The following PTPRT variants were observed in gnomAD, a reference collection of about 807,000 sequenced individuals.
PTPRT encodes the protein protein tyrosine phosphatase receptor type T.
Under a neutral mutation model 176.8 loss-of-function variants are expected in PTPRT, and 56 were observed. The ratio of observed to expected loss-of-function variants is 0.32; its 90% CI spans 0.26 to 0.40. The LOEUF (loss-of-function observed/expected upper bound fraction) is 0.40. Among genes scored for constraint, PTPRT ranks in the 10% least tolerant of loss-of-function variants. The probability of loss-of-function intolerance (pLI) is 1.00; values close to 1 mark genes in which losing one functional copy is unlikely to be tolerated. For synonymous variants in PTPRT, 783 were observed against 739.0 expected (o/e 1.06, Z -0.96); for missense variants, 1,540 against 1,908.2 (o/e 0.81, Z 3.60).
intron 7 of PTPRT, 25 bp from the exon 8 acceptor site, chr20:42,472,587 A>C: frequency 6.2e-7 from 1 of 1,602,826 alleles, no homozygotes; most frequent in South Asian, 1.1e-5. Flanking sequence ...GGCAAGAAAC[A>C]AGGGTTCTGA....
At chr20:42,106,220 A>G (rs1333685279) in intron 24 of PTPRT, among the ~76,000 whole-genome samples, 2 of 152,214 alleles carry the variant, frequency 1.3e-5, no homozygotes, top group African/African-American at 2.4e-5. Context: ...GTACACAACA[A>G]TAAAGATTAA....
intron 11 of PTPRT, among the ~76,000 whole-genome samples, chr20:42,328,558 C>T (rs542063770): frequency 3.9e-4 from 59 of 152,024 alleles, no homozygotes; most frequent in South Asian, 1.0e-3. Flanking sequence ...AAGAAAAGTA[C>T]GATCATATAA....
intron 8 of PTPRT, among the ~76,000 whole-genome samples, chr20:42,465,730 T>C (rs1344948042): frequency 1.3e-5 from 2 of 152,182 alleles, no homozygotes; most frequent in Non-Finnish European, 2.9e-5. Context: ...TAATATTTTT[T>C]GGAATATACG....
intron 7 of PTPRT, among the ~76,000 whole-genome samples, chr20:42,549,824 C>T (rs891914928): frequency 6.6e-6 from 1 of 151,988 alleles, no homozygotes; most frequent in Non-Finnish European, 1.5e-5. Flanking sequence ...TAGGGCATCT[C>T]AACACTACTG....
intron 1 of PTPRT, among the ~76,000 whole-genome samples, chr20:43,006,753 C>A (rs769332346): frequency 1.3e-5 from 2 of 152,196 alleles, no homozygotes; most frequent in Non-Finnish European, 2.9e-5. Flanking sequence ...AGGTCACCGA[C>A]CCTCCGCTGC....
intron 13 of PTPRT, among the ~76,000 whole-genome samples, chr20:42,253,105 G>A (rs1289007554): frequency 3.9e-5 from 6 of 152,154 alleles, no homozygotes; most frequent in South Asian, 2.1e-4. Context: ...CAGCATCCAC[G>A]TGTGACTCCC....
chr20:42,361,480 G>A (rs2058431327), intron 9 of PTPRT, among the ~76,000 whole-genome samples: 1 of 152,128 alleles, frequency 6.6e-6, no homozygotes, highest in Admixed American at 6.5e-5. Context: ...GATATTTTGT[G>A]ACTTCTAAGA....
rs567646198 is a variant in PTPRT at position 42,527,143 on chromosome 20, T to G, written c.1154-54581A>C. ...TATGTCCAGCTAATTTTTTGTATTTTTAGTAGAGACGGGGTTTCACCGTGT... is the reference window on the plus strand; with the variant it reads ...TATGTCCAGCTAATTTTTTGTATTTGTAGTAGAGACGGGGTTTCACCGTGT... On this transcript the variant is annotated intron_variant, in intron 7 of 30. Transcript: ENST00000373187. Among the ~76,000 whole-genome samples, 18 of 152,038 alleles carry G rather than the reference T, an allele frequency of 1.2e-4. No homozygotes were observed. The East Asian group carries it at 3.5e-3, about 30-fold the overall frequency.
chr20:43,158,922 C>T (rs1023229991), intron 1 of PTPRT, among the ~76,000 whole-genome samples: 1 of 152,158 alleles, frequency 6.6e-6, no homozygotes, highest in Non-Finnish European at 1.5e-5. Context: ...CAGCTTAGCA[C>T]AGCACCTGGG....
At position 42,810,014 on chromosome 20, in the gene PTPRT, C is replaced by T. The variant is rs534833679; in HGVS notation, c.215-18548G>A. ...TGTACTAATAAAATAGAGTAGGGGC[C>T]GGGCGCGGTGGCTCAGGCCTGTAAT... On this transcript the variant is annotated intron_variant, in intron 2 of 30. Coordinates refer to ENST00000373187, the MANE Select transcript of PTPRT (RefSeq NM_007050.6). Among the ~76,000 whole-genome samples, 17 of 152,180 alleles carry T rather than the reference C, an allele frequency of 1.1e-4. No individual in the cohort carries two copies. In the South Asian group the frequency reaches 2.9e-3, roughly 26 times the overall value.
At chr20:43,064,532 C>G (rs2071503375) in intron 1 of PTPRT, among the ~76,000 whole-genome samples, 1 of 152,184 alleles carries the variant, frequency 6.6e-6, no homozygotes, top group Non-Finnish European at 1.5e-5. Context: ...AACGTTAACA[C>G]CTAGCTTATG....
chr20:42,321,963 C>A (rs1040623509), intron 11 of PTPRT, among the ~76,000 whole-genome samples: 5 of 152,146 alleles, frequency 3.3e-5, no homozygotes, highest in Admixed American at 1.3e-4. Flanking sequence ...GTCCCAGCTT[C>A]TTAGGAGGCG....
chr20:42,999,978 G>A (rs963381313), intron 1 of PTPRT, among the ~76,000 whole-genome samples: 17 of 150,676 alleles, frequency 1.1e-4, no homozygotes, highest in African/African-American at 4.2e-4. Flanking sequence ...TCAAGTCAGT[G>A]GCTCTGAAAC....
chr20:42,363,388 G>A lies in PTPRT; in HGVS notation c.1561-11103C>T, dbSNP rs753256409. On this transcript the variant is annotated intron_variant, in intron 9 of 30. Transcript: ENST00000373187. ...TGCAGTGGTGTGATCTTGGCTCACC[G>A]CAACCTCCGCCTCCCGGGTACAAGC... Among the ~76,000 whole-genome samples, 94 of 129,936 alleles carry A rather than the reference G, an allele frequency of 7.2e-4. 1 individual carries two copies. Among genetic ancestry groups the A allele is most frequent in the Non-Finnish European group, 1.1e-3 (72 of 64,604 alleles). The allele number at this position is 129,936 out of a possible 152,430, so 85.2% of individuals were successfully genotyped here.
chr20:42,992,316 TGTA>T (rs1357641032), intron 1 of PTPRT, among the ~76,000 whole-genome samples: 1 of 152,218 alleles, frequency 6.6e-6, no homozygotes, highest in East Asian at 1.9e-4. Context: ...GACAAGTTGT[TGTA>T]GTTCATATAT....
At chr20:42,258,006 C>G (rs1302626369) in intron 13 of PTPRT, among the ~76,000 whole-genome samples, 5 of 152,054 alleles carry the variant, frequency 3.3e-5, no homozygotes, top group Non-Finnish European at 7.4e-5. Context: ...TCTCTTTAAC[C>G]TATCGTACTA....
chr20:42,349,475 T>C (rs1334037204), intron 11 of PTPRT, among the ~76,000 whole-genome samples: 1 of 152,222 alleles, frequency 6.6e-6, no homozygotes, highest in Non-Finnish European at 1.5e-5. Context: ...CACACTGTAC[T>C]GTAATTATGT....
At chr20:42,627,270 T>C (rs573279647) in intron 7 of PTPRT, among the ~76,000 whole-genome samples, 1 of 152,048 alleles carries the variant, frequency 6.6e-6, no homozygotes, top group African/African-American at 2.4e-5. Context: ...GTTTCTTTCT[T>C]TCTTTCTATT....
chr20:43,179,647 A>T (rs551925183), intron 1 of PTPRT, among the ~76,000 whole-genome samples: 2 of 152,312 alleles, frequency 1.3e-5, no homozygotes, highest in East Asian at 3.9e-4. Context: ...CTTCTACAAA[A>T]CTTAAACTAA....
Sources: gnomAD v4.1 joint callset for allele counts (sites outside exome capture counted in the v4.1 genomes callset) on GRCh38, gnomAD v4.1.1 for gene constraint, MANE v1.5 for transcripts, NCBI Gene and HGNC (gene_info 2026-07-23, HGNC 2026-07-21) for gene names.